The following NOTCH2NLA variants were observed in gnomAD, a reference collection of about 807,000 sequenced individuals.
NOTCH2NLA encodes notch homolog 2 N-terminal-like protein A.
Position 146,207,823 on chromosome 1 carries a change from T to C in NOTCH2NLA, c.-44-18442A>G, listed in dbSNP as rs1464284749. On this transcript the variant is annotated intron_variant, in intron 1 of 4. Coordinates refer to ENST00000362074, the Ensembl canonical transcript of NOTCH2NLA. ...AGGCCCAATACCACTTTCTTTTTTTTTTTTTTTTTTTTTTTGGAGACAGGA... is the reference window on the plus strand; with the variant it reads ...AGGCCCAATACCACTTTCTTTTTTTCTTTTTTTTTTTTTTTGGAGACAGGA... Among the ~76,000 whole-genome samples the C allele has an allele frequency of 5.2e-4, 44 of 84,458 alleles. 2 individuals carry two copies. The highest frequency in any genetic ancestry group is 7.3e-4 in the Non-Finnish European group (27 of 36,944). 55.4% of individuals were successfully genotyped at this position (84,458 alleles called of 152,430 possible).
At chr1:146,157,819 GT>G (rs1305115739) in intron 3 of NOTCH2NLA, among the ~76,000 whole-genome samples, 2 of 93,202 alleles carry the variant, frequency 2.1e-5, no homozygotes, top group African/African-American at 8.3e-5. Context: ...TTTATTAATT[GT>G]GGCCTTGCTA....
At chr1:146,158,219 G>C in intron 3 of NOTCH2NLA, among the ~76,000 whole-genome samples, 1 of 150,760 alleles carries the variant, frequency 6.6e-6, no homozygotes, top group Non-Finnish European at 1.5e-5. Context: ...ACAACATGCA[G>C]GTTTGTTACA....
intron 2 of NOTCH2NLA, among the ~76,000 whole-genome samples, chr1:146,187,747 A>C (rs587692889): frequency 7.3e-6 from 1 of 136,298 alleles, no homozygotes; most frequent in African/African-American, 2.5e-5. Context: ...TGCCACAAAA[A>C]GACTAAACAA....
intron 1 of NOTCH2NLA, among the ~76,000 whole-genome samples, chr1:146,205,202 TG>T (rs1663551718): frequency 1.1e-5 from 1 of 91,324 alleles, no homozygotes. Flanking sequence ...ATTTACATTC[TG>T]GACCAGTGGT....
Position 146,228,870 on chromosome 1 carries a change from C to T in NOTCH2NLA, c.-206G>A, listed in dbSNP as rs1553820555. 7.5e-6 allele frequency: 11 copies of T among 1,473,474 alleles called. 1 individual carries two copies. In the South Asian group the frequency reaches 1.3e-4, roughly 17 times the overall value. The allele number at this position is 1,473,474 out of a possible 1,614,324, so 91.3% of individuals were successfully genotyped here. The stretch of plus-strand genomic sequence containing the variant: ...GGTCCCGATAGAGGAGCCCCACTCT[C>T]TCCTCCCCTCCTCCTGCTTCAAAGG... On this transcript the variant is annotated 5_prime_UTR_variant, in exon 1 of 5. Transcript: ENST00000362074.
intron 2 of NOTCH2NLA, among the ~76,000 whole-genome samples, chr1:146,172,938 C>T (rs1553807314): frequency 6.8e-6 from 1 of 147,786 alleles, no homozygotes; most frequent in Non-Finnish European, 1.5e-5. Flanking sequence ...GTCTCTCAAT[C>T]CAAATGTTCC....
intron 3 of NOTCH2NLA, among the ~76,000 whole-genome samples, chr1:146,161,991 C>T (rs1423835848): frequency 1.0e-5 from 1 of 97,540 alleles, no homozygotes; most frequent in Non-Finnish European, 2.0e-5. Context: ...TTGCTGAAGG[C>T]AAAAGGAATA....
At chr1:146,166,383 CAGA>C (rs1225352479) in intron 2 of NOTCH2NLA, among the ~76,000 whole-genome samples, 1 of 151,126 alleles carries the variant, frequency 6.6e-6, no homozygotes, top group Non-Finnish European at 1.5e-5. Flanking sequence ...AGAAAATGCC[CAGA>C]AGAATTGTGT....
downstream of NOTCH2NLA, chr1:146,154,518 ACAC>A (rs1202322252): frequency 2.7e-5 from 4 of 148,256 alleles, no homozygotes; most frequent in African/African-American, 1.0e-4. Flanking sequence ...ACACACACAC[ACAC>A]CATCAGTGAG....
At chr1:146,159,064 G>T in intron 3 of NOTCH2NLA, among the ~76,000 whole-genome samples, 1 of 152,102 alleles carries the variant, frequency 6.6e-6, no homozygotes, top group East Asian at 1.9e-4. Flanking sequence ...AACTGAAACA[G>T]AAAGATCCCC....
In NOTCH2NLA at chr1:146,187,843, AT is replaced by A. The variant is rs1178647228; in HGVS notation, c.38+1456del. Among the ~76,000 whole-genome samples, 146 of 135,666 alleles carry A rather than the reference AT, an allele frequency of 1.1e-3. 15 individuals carry two copies. Among genetic ancestry groups the A allele is most frequent in the South Asian group, 3.7e-3 (16 of 4,346 alleles). The allele number at this position is 135,666 out of a possible 152,430, so 89.0% of individuals were successfully genotyped here. A position where few individuals can be genotyped will look rare whatever the true frequency, so the allele number is the denominator to read the frequency against. ...CCATTCTTAGAGGAGAATGCACCACATTTTTTTTTCCCCCAGCTAGAAAAAC... is the reference window on the plus strand; with the variant it reads ...CCATTCTTAGAGGAGAATGCACCACATTTTTTTTCCCCCAGCTAGAAAAAC... On this transcript the variant is annotated intron_variant, in intron 2 of 4. Coordinates refer to ENST00000362074, the Ensembl canonical transcript of NOTCH2NLA.
At chr1:146,228,955 G>A (rs782485507) in exon 1 of NOTCH2NLA, 24 of 1,440,932 alleles carry the variant, frequency 1.7e-5, no homozygotes, top group Non-Finnish European at 2.1e-5. Context: ...CCCGCGCCCC[G>A]AGTCCGCCGC....
chr1:146,158,587 C>A (rs1209167655), intron 3 of NOTCH2NLA, among the ~76,000 whole-genome samples: 1 of 148,268 alleles, frequency 6.7e-6, no homozygotes, highest in Non-Finnish European at 1.5e-5. Context: ...TGGGTTGGTT[C>A]CAAGTCTTTG....
rs1469499101 is a variant in NOTCH2NLA at position 146,195,050 on chromosome 1, C to T, written c.-44-5669G>A. 1.8e-5 allele frequency among the ~76,000 whole-genome samples: 2 copies of T among 109,850 alleles called. 1 individual carries two copies. The highest frequency in any genetic ancestry group is 1.8e-4 in the Admixed American group (2 of 10,900). 72.1% of individuals were successfully genotyped at this position (109,850 alleles called of 152,430 possible). A position where few individuals can be genotyped will look rare whatever the true frequency, so the allele number is the denominator to read the frequency against. ...TCTGGTCCTCACAGGGCCACCCCCC[C>T]CCATCCTTGTAACACTCATGACTCT... On this transcript the variant is annotated intron_variant, in intron 1 of 4. Transcript: ENST00000362074.
Position 146,174,400 on chromosome 1 carries a change from C to CTTTT in NOTCH2NLA, c.39-9394_39-9391dup, listed in dbSNP as rs1209878010. 8.9e-3 allele frequency among the ~76,000 whole-genome samples: 852 copies of CTTTT among 95,696 alleles called. 3 individuals are homozygous for CTTTT. The highest frequency in any genetic ancestry group is 0.013 in the African/African-American group (311 of 24,626). 62.8% of individuals were successfully genotyped at this position (95,696 alleles called of 152,430 possible). A position where few individuals can be genotyped will look rare whatever the true frequency, so the allele number is the denominator to read the frequency against. On this transcript the variant is annotated intron_variant, in intron 2 of 4. Transcript: ENST00000362074. ...GGCTTTGCTGCAGCTCTGTCTTTAG[C>CTTTT]TTTTTTTTTTTTTTTTTTTTTTTTA...
chr1:146,171,901 C>A (rs1553807161), intron 2 of NOTCH2NLA, among the ~76,000 whole-genome samples: 1 of 147,438 alleles, frequency 6.8e-6, no homozygotes, highest in African/African-American at 2.4e-5. Context: ...TTTTTGAACC[C>A]AATAATTGGA....
Position 146,200,664 on chromosome 1 carries a change from G to A in NOTCH2NLA, c.-44-11283C>T, listed in dbSNP as rs201661013. Among the ~76,000 whole-genome samples, 6 of 125,818 alleles carry A rather than the reference G, an allele frequency of 4.8e-5. 2 individuals carry two copies. Among genetic ancestry groups the A allele is most frequent in the South Asian group, 4.9e-4 (2 of 4,074 alleles). 82.5% of individuals were successfully genotyped at this position (125,818 alleles called of 152,430 possible). On this transcript the variant is annotated intron_variant, in intron 1 of 4. Transcript: ENST00000362074. Reference sequence around the variant, plus strand: ...ACGCCAGTCCTCCAACTCCATCAGCGTTTTGATTACTCATATTCTTTCTTT... The same window carrying A: ...ACGCCAGTCCTCCAACTCCATCAGCATTTTGATTACTCATATTCTTTCTTT...
At chr1:146,175,427 CAAAA>C (rs1662211986) in intron 2 of NOTCH2NLA, among the ~76,000 whole-genome samples, 3 of 120,770 alleles carry the variant, frequency 2.5e-5, no homozygotes, top group African/African-American at 5.5e-5. Flanking sequence ...GAAGGAAAAA[CAAAA>C]AGAACTTTAA....
intron 2 of NOTCH2NLA, among the ~76,000 whole-genome samples, chr1:146,180,383 A>G (rs1195932809): frequency 7.0e-6 from 1 of 142,046 alleles, no homozygotes; most frequent in Non-Finnish European, 1.6e-5. Flanking sequence ...CTTTTCTTTC[A>G]TAAAACTCTT....
Sources: gnomAD v4.1 joint callset for allele counts (sites outside exome capture counted in the v4.1 genomes callset) on GRCh38, gnomAD v4.1.1 for gene constraint, MANE v1.5 for transcripts, NCBI Gene and HGNC (gene_info 2026-07-23, HGNC 2026-07-21) for gene names.